The following ACSBG1 variants were observed in gnomAD, a reference collection of about 807,000 sequenced individuals.
ACSBG1 encodes the protein long-chain-fatty-acid--CoA ligase ACSBG1.
Under a neutral mutation model 80.2 loss-of-function variants are expected in ACSBG1, and 39 were observed. The ratio of observed to expected loss-of-function variants is 0.49; its 90% CI spans 0.38 to 0.64. The LOEUF (loss-of-function observed/expected upper bound fraction) is 0.64. Ranked by LOEUF, ACSBG1 falls within the 30% of genes least tolerant of loss-of-function variation. The pLI is 0.00. For synonymous variants in ACSBG1, 392 were observed against 379.5 expected (o/e 1.03, Z -0.38); for missense variants, 828 against 966.4 (o/e 0.86, Z 1.90).
At chr15:78,181,307 G>T (rs1048206341) in intron 8 of ACSBG1, among the ~76,000 whole-genome samples, 2 of 152,032 alleles carry the variant, frequency 1.3e-5, no homozygotes, top group South Asian at 2.1e-4. Flanking sequence ...CTTGCTGGGG[G>T]GTTTCTGGGA....
intron 7 of ACSBG1, 101 bp from the exon 8 acceptor site, chr15:78,182,246 C>T (rs2074954130): frequency 6.9e-7 from 1 of 1,457,108 alleles, no homozygotes; most frequent in Admixed American, 2.2e-5. Flanking sequence ...GTGGTGCCCC[C>T]TGTGGCGATT....
chr15:78,210,127 C>G (rs2075254915), intron 1 of ACSBG1, among the ~76,000 whole-genome samples: 1 of 152,188 alleles, frequency 6.6e-6, no homozygotes, highest in African/African-American at 2.4e-5. Flanking sequence ...CCTGGAGGGG[C>G]AGCACCCAGT....
chr15:78,194,824 C>T, intron 2 of ACSBG1, 98 bp from the exon 3 acceptor site: 2 of 1,273,790 alleles, frequency 1.6e-6, no homozygotes. Flanking sequence ...CTGACAATGC[C>T]TTGGGTCCTC....
In ACSBG1 at chr15:78,194,621, A is replaced by G; in HGVS notation, c.338T>C (p.Leu113Pro). The stretch of plus-strand genomic sequence containing the variant: ...AGCGATGAGGTCCCCATACTTATCC[A>G]GGGCCTCGTAGAACATCCGATGCAC... ...YTVHRMFYEA[L>P]DKYGDLIALG... Residue 113 changes from leucine to proline, a missense_variant, in exon 3 of 14, where the codon CTG (leucine) becomes CCG (proline). This residue lies in a region of ACSBG1 where 356 missense variants were observed against 363.5 expected (regional missense o/e 0.98). Transcript: ENST00000258873. 1 of 1,614,282 alleles carries G rather than the reference A, an allele frequency of 6.2e-7. No individual in the cohort carries two copies. Among genetic ancestry groups the G allele is most frequent in the Non-Finnish European group, 8.5e-7 (1 of 1,180,052 alleles).
chr15:78,174,190 C>T (rs1389547470), intron 12 of ACSBG1, among the ~76,000 whole-genome samples, 195 bp downstream of exon 12: 2 of 152,210 alleles, frequency 1.3e-5, no homozygotes, highest in Non-Finnish European at 2.9e-5. Context: ...AGGATCATCA[C>T]GGTGGCTTAT....
At chr15:78,193,785 GC>G in intron 4 of ACSBG1, 146 bp downstream of exon 4, 1 of 1,409,922 alleles carries the variant, frequency 7.1e-7, no homozygotes, top group Non-Finnish European at 9.6e-7. Flanking sequence ...CAGAGAGGGC[GC>G]CAGATGCAGG....
intron 5 of ACSBG1, among the ~76,000 whole-genome samples, chr15:78,185,438 T>C (rs908666140): frequency 6.6e-5 from 10 of 152,072 alleles, no homozygotes; most frequent in Non-Finnish European, 1.3e-4. Flanking sequence ...GAGTAAAGAC[T>C]ACCTAAAGGC....
In ACSBG1 at chr15:78,171,441, T is replaced by C. The variant is rs772108798; in HGVS notation, c.*3A>G. 2 of 1,613,476 alleles carry C rather than the reference T, an allele frequency of 1.2e-6. No homozygotes were observed. On this transcript the variant is annotated 3_prime_UTR_variant, in exon 14 of 14. Transcript: ENST00000258873. ...CTATAGAAACTGCAGGCATAGGCCC[T>C]GATTACATTTTTTGCTCTTGGTAAA...
intron 1 of ACSBG1, among the ~76,000 whole-genome samples, chr15:78,224,264 A>G (rs1388398574): frequency 1.3e-5 from 2 of 152,188 alleles, no homozygotes; most frequent in African/African-American, 2.4e-5. Context: ...AGAAACCCTG[A>G]GCCAGAACCA....
At chr15:78,219,446 G>T (rs1041505196) in intron 1 of ACSBG1, among the ~76,000 whole-genome samples, 6 of 147,932 alleles carry the variant, frequency 4.1e-5, no homozygotes, top group Admixed American at 6.7e-5. Flanking sequence ...AGACAAAATA[G>T]TAGAAACTAT....
intron 2 of ACSBG1, among the ~76,000 whole-genome samples, chr15:78,200,071 C>T (rs1451637361): frequency 6.6e-6 from 1 of 152,170 alleles, no homozygotes; most frequent in African/African-American, 2.4e-5. Context: ...TCTTGATGGA[C>T]ATTTTGGACA....
At chr15:78,207,922 CA>C in intron 2 of ACSBG1, 79 bp downstream of exon 2, 9 of 852,742 alleles carry the variant, frequency 1.1e-5, no homozygotes, top group East Asian at 2.7e-5. Flanking sequence ...GGTGGTCCCC[CA>C]CACCACCCAC....
chr15:78,223,931 A>C (rs1198393291), intron 1 of ACSBG1, among the ~76,000 whole-genome samples: 1 of 152,184 alleles, frequency 6.6e-6, no homozygotes, highest in Non-Finnish European at 1.5e-5. Context: ...CTACAAGACA[A>C]GGGTGGAATG....
intron 1 of ACSBG1, among the ~76,000 whole-genome samples, chr15:78,220,908 G>A (rs1008033847): frequency 6.6e-6 from 1 of 152,164 alleles, no homozygotes; most frequent in Non-Finnish European, 1.5e-5. Context: ...TCCTCAAAAG[G>A]TTATACATAG....
intron 1 of ACSBG1, 78 bp downstream of exon 1, chr15:78,234,293 G>T (rs2075474649): frequency 7.8e-6 from 12 of 1,543,300 alleles, no homozygotes; most frequent in South Asian, 1.2e-5. Context: ...GAAGCAGCTT[G>T]CCCAAGTTCA....
At chr15:78,200,734 CT>C (rs1429411735) in intron 2 of ACSBG1, among the ~76,000 whole-genome samples, 6 of 152,216 alleles carry the variant, frequency 3.9e-5, no homozygotes, top group Admixed American at 2.0e-4. Flanking sequence ...CAGGTTCAGG[CT>C]GGGTGACCTT....
intron 1 of ACSBG1, among the ~76,000 whole-genome samples, chr15:78,218,508 C>A (rs981372742): frequency 6.6e-6 from 1 of 152,106 alleles, no homozygotes; most frequent in African/African-American, 2.4e-5. Context: ...GCAGAAGGAG[C>A]CTGGCCTTTT....
intron 5 of ACSBG1, among the ~76,000 whole-genome samples, chr15:78,188,146 G>C (rs1057505427): frequency 6.7e-4 from 102 of 152,194 alleles, no homozygotes; most frequent in African/African-American, 2.0e-3. Flanking sequence ...TCAAGGAGAA[G>C]TACAAACCAC....
chr15:78,186,139 T>C (rs1371785372), intron 5 of ACSBG1, among the ~76,000 whole-genome samples: 2 of 152,224 alleles, frequency 1.3e-5, no homozygotes, highest in East Asian at 1.9e-4. Context: ...TTTACCATTA[T>C]GTAATGGCCT....
Sources: allele counts gnomAD v4.1 joint callset (sites outside exome capture counted in the v4.1 genomes callset), GRCh38; gene constraint gnomAD v4.1.1; regional missense constraint gnomAD v4.1.1; transcripts MANE v1.5; gene names NCBI Gene and HGNC (gene_info 2026-07-23, HGNC 2026-07-21).